Variants in XPO7 observed in about 807,000 individuals in gnomAD.
The protein encoded by XPO7 is exportin 7, also known as exportin-7.
Under a neutral mutation model 144.3 loss-of-function variants are expected in XPO7, and 21 were observed. That is an observed-to-expected ratio of 0.15 (90% confidence interval 0.10 to 0.21). The LOEUF is 0.21. Among genes scored for constraint, XPO7 ranks in the 10% least tolerant of loss-of-function variants. XPO7 has a pLI of 1.00. For synonymous variants in XPO7, 580 were observed against 499.6 expected, an observed-to-expected ratio of 1.16 and a Z score of -2.15; for missense variants, 808 against 1,325.8, an observed-to-expected ratio of 0.61 and a Z score of 6.06.
Position 21,981,882 on chromosome 8 carries a change from G to T in XPO7, c.1104+5G>T. On this transcript the variant is annotated splice_donor_5th_base_variant and intron_variant, in intron 10 of 27. Transcript: ENST00000252512. The stretch of plus-strand genomic sequence containing the variant: ...TTCACAGTGACCAGCCTACAGGTTT[G>T]TCTTTGATTACTTGTGTCTTCCTTC... 1 of 1,611,826 alleles carries T rather than the reference G, an allele frequency of 6.2e-7. No individual in the cohort carries two copies. Among genetic ancestry groups the T allele is most frequent in the Non-Finnish European group, 8.5e-7 (1 of 1,178,094 alleles).
chr8:21,956,621 G>A (rs1446759106), intron 1 of XPO7, among the ~76,000 whole-genome samples: 1 of 147,954 alleles, frequency 6.8e-6, no homozygotes, highest in African/African-American at 2.6e-5. Context: ...TGGTCCTTTT[G>A]CTCTGTTGTC....
In XPO7 at chr8:21,958,776, A is replaced by G. The variant is rs143542793; in HGVS notation, c.19-8081A>G. On this transcript the variant is annotated intron_variant, in intron 1 of 27. Coordinates refer to ENST00000252512, the MANE Select transcript of XPO7 (RefSeq NM_015024.5). Reference sequence around the variant, plus strand: ...GGAGTTGGAGACCAGCCTGGCCAACATGGGGAAAACCCCATCTCTACTAAA... The same window carrying G: ...GGAGTTGGAGACCAGCCTGGCCAACGTGGGGAAAACCCCATCTCTACTAAA... Among the ~76,000 whole-genome samples the G allele has an allele frequency of 5.3e-3, 800 of 152,166 alleles. 6 individuals carry two copies. Among genetic ancestry groups the G allele is most frequent in the African/African-American group, 0.018 (756 of 41,522 alleles).
chr8:21,972,114 C>G (rs1017867472), intron 5 of XPO7, 173 bp downstream of exon 5: 1 of 550,790 alleles, frequency 1.8e-6, no homozygotes, highest in Non-Finnish European at 3.2e-6. Flanking sequence ...AATTGCAACT[C>G]ACCTCACTTT....
intron 10 of XPO7, among the ~76,000 whole-genome samples, chr8:21,982,353 C>T (rs1812434726): frequency 6.6e-6 from 1 of 152,052 alleles, no homozygotes; most frequent in Non-Finnish European, 1.5e-5. Context: ...CTAACAAGTT[C>T]TTCAGGTGAT....
intron 1 of XPO7, among the ~76,000 whole-genome samples, chr8:21,928,662 T>C (rs569132463): frequency 6.6e-6 from 1 of 152,364 alleles, no homozygotes; most frequent in South Asian, 2.1e-4. Context: ...CTGACATTTG[T>C]ATATCTCAGG....
intron 1 of XPO7, among the ~76,000 whole-genome samples, chr8:21,923,615 C>T (rs1656219800): frequency 6.6e-6 from 1 of 152,018 alleles, no homozygotes; most frequent in African/African-American, 2.4e-5. Context: ...AAACACTTAA[C>T]ACAGAAAAAA....
chr8:21,998,782 T>C lies in XPO7; in HGVS notation c.2373T>C (p.Ser791=), dbSNP rs1441729048. Residue 791 remains serine (S), a synonymous_variant, in exon 22 of 28, where the codon TCT becomes TCC. Coordinates refer to ENST00000252512, the MANE Select transcript of XPO7 (RefSeq NM_015024.5). ...CCCAGCGACTCCAGTTTGATGTCTC[T>C]TCCCCCAATGGCATCTTACTCTTCC... is the stretch of plus-strand genomic sequence containing the variant. ...NRSQRLQFDV[S]SPNGILLFRE... 1 of 1,614,020 alleles carries C rather than the reference T, an allele frequency of 6.2e-7. No homozygotes were observed. Among genetic ancestry groups the C allele is most frequent in the Admixed American group, 1.7e-5 (1 of 60,028 alleles).
At chr8:21,936,430 A>T (rs1810824307) in intron 1 of XPO7, among the ~76,000 whole-genome samples, 1 of 152,162 alleles carries the variant, frequency 6.6e-6, no homozygotes, top group Admixed American at 6.5e-5. Flanking sequence ...AGAATGTTTG[A>T]TGCTTATTTT....
intron 1 of XPO7, among the ~76,000 whole-genome samples, chr8:21,958,148 T>C (rs1811600994): frequency 6.6e-6 from 1 of 152,060 alleles, no homozygotes; most frequent in African/African-American, 2.4e-5. Flanking sequence ...GCAATAAATA[T>C]AATTATGTTT....
intron 21 of XPO7, 138 bp from the exon 22 acceptor site, chr8:21,998,617 A>T: frequency 1.6e-6 from 1 of 619,152 alleles, no homozygotes; most frequent in Non-Finnish European, 2.8e-6. Flanking sequence ...TAACTTGGTT[A>T]TTCTCATATT....
At chr8:21,932,788 A>C (rs934781068) in intron 1 of XPO7, among the ~76,000 whole-genome samples, 1 of 152,222 alleles carries the variant, frequency 6.6e-6, no homozygotes, top group African/African-American at 2.4e-5. Context: ...TCTAGCGGCT[A>C]GTCGTCAACT....
At chr8:21,920,131 C>T (rs1585406856) in intron 1 of XPO7, among the ~76,000 whole-genome samples, 1 of 151,524 alleles carries the variant, frequency 6.6e-6, no homozygotes, top group Non-Finnish European at 1.5e-5. Context: ...CGCCCGCCCC[C>T]CGGTGAAGCG....
intron 27 of XPO7, among the ~76,000 whole-genome samples, chr8:22,004,268 G>C (rs1299965397): frequency 6.6e-6 from 1 of 152,006 alleles, no homozygotes; most frequent in Non-Finnish European, 1.5e-5. Context: ...AAAATTGTGG[G>C]TTTTCACATT....
chr8:21,921,351 T>C (rs569265421), intron 1 of XPO7: 1 of 152,270 alleles, frequency 6.6e-6, no homozygotes, highest in African/African-American at 2.4e-5. Context: ...CCCAAAGTCT[T>C]TGGAGTTTGG....
At chr8:21,997,804 G>A (rs564727670) in intron 21 of XPO7, among the ~76,000 whole-genome samples, 1 of 152,236 alleles carries the variant, frequency 6.6e-6, no homozygotes, top group Non-Finnish European at 1.5e-5. Flanking sequence ...GGTGGATTTG[G>A]GGTTTATTTT....
chr8:21,988,914 T>C (rs1038002382), intron 15 of XPO7, 89 bp from the exon 16 acceptor site: 5 of 1,231,612 alleles, frequency 4.1e-6, no homozygotes, highest in African/African-American at 1.5e-5. Context: ...TGGTGACTTT[T>C]GATGAATGAC....
chr8:21,944,280 T>TA (rs1811085890), intron 1 of XPO7, among the ~76,000 whole-genome samples: 1 of 152,034 alleles, frequency 6.6e-6, no homozygotes, highest in Non-Finnish European at 1.5e-5. Context: ...CCATCAAAAA[T>TA]AAAAAATAAG....
At chr8:22,004,520 CAAG>C (rs1007056617) in intron 27 of XPO7, among the ~76,000 whole-genome samples, 3 of 152,076 alleles carry the variant, frequency 2.0e-5, no homozygotes, top group East Asian at 1.9e-4. Flanking sequence ...TAATTTAAAA[CAAG>C]GCATTTTAAT....
At chr8:21,949,511 A>G (rs1329327730) in intron 1 of XPO7, among the ~76,000 whole-genome samples, 1 of 152,240 alleles carries the variant, frequency 6.6e-6, no homozygotes, top group Non-Finnish European at 1.5e-5. Context: ...TAGTTACAGA[A>G]TGGGTTAACA....
Sources: allele counts gnomAD v4.1 joint callset (sites outside exome capture counted in the v4.1 genomes callset), GRCh38; gene constraint gnomAD v4.1.1; transcripts MANE v1.5; gene names NCBI Gene and HGNC (gene_info 2026-07-23, HGNC 2026-07-21).